SLC24A3: variants seen among roughly 807,000 people sequenced by gnomAD.
The protein encoded by SLC24A3 is solute carrier family 24 member 3.
A neutral mutation model predicts 75.8 loss-of-function variants in SLC24A3; 28 were observed. The observed-to-expected ratio is 0.37, with a 90% CI of 0.27 to 0.51. The LOEUF (loss-of-function observed/expected upper bound fraction) is 0.51, where lower values mean the gene tolerates loss of function less well. SLC24A3 is among the 20% of genes least tolerant of loss of function. SLC24A3 has a pLI of 0.94. For synonymous variants in SLC24A3, 372 were observed against 334.1 expected (o/e 1.11, Z -1.24); for missense variants, 663 against 847.8 (o/e 0.78, Z 2.71).
chr20:19,249,214 C>A (rs1982579933), intron 1 of SLC24A3, among the ~76,000 whole-genome samples: 1 of 152,098 alleles, frequency 6.6e-6, no homozygotes, highest in Non-Finnish European at 1.5e-5. Flanking sequence ...TGTTTTATTT[C>A]TTTGTAAAAC....
At chr20:19,643,294 C>G (rs894475331) in intron 6 of SLC24A3, among the ~76,000 whole-genome samples, 2 of 152,198 alleles carry the variant, frequency 1.3e-5, no homozygotes, top group African/African-American at 4.8e-5. Context: ...AGATTAGCTC[C>G]TGATACTGTG....
intron 2 of SLC24A3, among the ~76,000 whole-genome samples, chr20:19,340,584 C>T (rs1985250324): frequency 6.6e-6 from 1 of 152,162 alleles, no homozygotes; most frequent in Non-Finnish European, 1.5e-5. Flanking sequence ...TTTCCACCAT[C>T]CCCACAGCCT....
chr20:19,311,895 G>A (rs1984466113), intron 2 of SLC24A3, among the ~76,000 whole-genome samples: 1 of 152,118 alleles, frequency 6.6e-6, no homozygotes, highest in Non-Finnish European at 1.5e-5. Context: ...GAGAAACATG[G>A]CTGCCGGTGC....
At chr20:19,701,473 A>G (rs549108568) in intron 15 of SLC24A3, among the ~76,000 whole-genome samples, 2 of 152,370 alleles carry the variant, frequency 1.3e-5, no homozygotes, top group South Asian at 2.1e-4. Context: ...CTTGTTATCA[A>G]GAAGTTCAGC....
intron 6 of SLC24A3, among the ~76,000 whole-genome samples, chr20:19,590,613 G>A (rs771107265): frequency 3.9e-5 from 6 of 152,190 alleles, no homozygotes; most frequent in Admixed American, 6.5e-5. Context: ...AGGAGCCAGC[G>A]TGCTTCCGTA....
chr20:19,490,505 A>G (rs557429155), intron 2 of SLC24A3, among the ~76,000 whole-genome samples: 2 of 152,298 alleles, frequency 1.3e-5, no homozygotes, highest in East Asian at 3.9e-4. Flanking sequence ...CACCTAAAAT[A>G]GCGGCTTTAG....
In SLC24A3 at chr20:19,609,310, AT is replaced by A. The variant is rs950772762; in HGVS notation, c.612+23777del. ...AGGACATGGTTGCTCTTATAACCTG[AT>A]TTTTTTTTTTCAGTTATAAAGACTT... is the stretch of plus-strand genomic sequence containing the variant. On this transcript the variant is annotated intron_variant, in intron 6 of 16. Coordinates refer to ENST00000328041, the MANE Select transcript of SLC24A3 (RefSeq NM_020689.4). Among the ~76,000 whole-genome samples, 593 of 148,024 alleles carry A rather than the reference AT, an allele frequency of 4.0e-3. 3 individuals carry two copies. Among genetic ancestry groups the A allele is most frequent in the Middle Eastern group, 7.1e-3 (2 of 280 alleles).
chr20:19,466,813 C>G (rs568688747), intron 2 of SLC24A3, among the ~76,000 whole-genome samples: 1 of 152,256 alleles, frequency 6.6e-6, no homozygotes, highest in Admixed American at 6.5e-5. Context: ...CAACAAGAAA[C>G]TTTCTTGGGC....
intron 2 of SLC24A3, among the ~76,000 whole-genome samples, chr20:19,304,907 GTC>G (rs576375315): frequency 1.3e-5 from 2 of 152,186 alleles, no homozygotes; most frequent in Non-Finnish European, 2.9e-5. Flanking sequence ...TTTTGGCCCT[GTC>G]TGAACTTTAA....
chr20:19,247,962 T>C (rs1021788823), intron 1 of SLC24A3, among the ~76,000 whole-genome samples: 3 of 152,190 alleles, frequency 2.0e-5, no homozygotes, highest in African/African-American at 7.2e-5. Flanking sequence ...GTGAGATAAG[T>C]GTGTCCTCTA....
At chr20:19,479,454 A>C (rs1988016980) in intron 2 of SLC24A3, among the ~76,000 whole-genome samples, 1 of 152,166 alleles carries the variant, frequency 6.6e-6, no homozygotes, top group Non-Finnish European at 1.5e-5. Flanking sequence ...CAGAATGAAA[A>C]CCATCCTCTT....
At chr20:19,222,783 C>CCCCTCCTTCCTTCCTTCCTTCCTT (rs1981755842) in intron 1 of SLC24A3, among the ~76,000 whole-genome samples, 1 of 75,802 alleles carries the variant, frequency 1.3e-5, no homozygotes, top group Non-Finnish European at 2.5e-5. Context: ...TCCCCTCCCT[C>CCCCTCCTTCCTTCCTTCCTTCCTT]CCTTCCTTCC....
chr20:19,474,692 T>TA (rs1987932457), intron 2 of SLC24A3, among the ~76,000 whole-genome samples: 1 of 152,214 alleles, frequency 6.6e-6, no homozygotes, highest in South Asian at 2.1e-4. Context: ...TCAAGCTAAT[T>TA]AACATATTCA....
At chr20:19,321,517 T>C (rs973198691) in intron 2 of SLC24A3, among the ~76,000 whole-genome samples, 1 of 152,202 alleles carries the variant, frequency 6.6e-6, no homozygotes, top group African/African-American at 2.4e-5. Flanking sequence ...AACTTCAATC[T>C]TGGAAAATCT....
At position 19,649,309 on chromosome 20, in the gene SLC24A3, C is replaced by T. The variant is rs184378577; in HGVS notation, c.613-4753C>T. ...AGGGAACCACATGGAGCCCAGAAGA[C>T]GAGGGTATTCATGTTTGTGAAACAG... On this transcript the variant is annotated intron_variant, in intron 6 of 16. Coordinates refer to ENST00000328041, the MANE Select transcript of SLC24A3 (RefSeq NM_020689.4). Among the ~76,000 whole-genome samples, 1,430 of 152,298 alleles carry T rather than the reference C, an allele frequency of 9.4e-3. 12 individuals are homozygous for T. The highest frequency in any genetic ancestry group is 0.034 in the South Asian group (165 of 4,826).
chr20:19,666,615 T>A lies in SLC24A3; in HGVS notation c.713+726T>A, dbSNP rs921351351. Among the ~76,000 whole-genome samples, 6 of 152,160 alleles carry A rather than the reference T, an allele frequency of 3.9e-5. No homozygotes were observed. In the East Asian group the frequency reaches 7.7e-4, roughly 20 times the overall value. ...TTCTGTGACCATTAATCCATTAAAGTTCCCCCTGACTTTCAAAAGATCTTA... is the reference window on the plus strand; with the variant it reads ...TTCTGTGACCATTAATCCATTAAAGATCCCCCTGACTTTCAAAAGATCTTA... On this transcript the variant is annotated intron_variant, in intron 8 of 16. Transcript: ENST00000328041.
At chr20:19,393,223 C>T (rs776160163) in intron 2 of SLC24A3, among the ~76,000 whole-genome samples, 38 of 152,094 alleles carry the variant, frequency 2.5e-4, no homozygotes, top group Non-Finnish European at 5.0e-4. Flanking sequence ...TGATGAAAGA[C>T]TGAAAGCGTT....
chr20:19,298,037 AG>A (rs1426282100), intron 2 of SLC24A3, among the ~76,000 whole-genome samples: 2 of 152,222 alleles, frequency 1.3e-5, no homozygotes, highest in Non-Finnish European at 2.9e-5. Context: ...GAAGCTAAGA[AG>A]GTGGGGGAAT....
intron 6 of SLC24A3, among the ~76,000 whole-genome samples, chr20:19,616,101 C>G (rs145542627): frequency 6.6e-6 from 1 of 152,328 alleles, no homozygotes; most frequent in African/African-American, 2.4e-5. Flanking sequence ...TGAAGTCAAG[C>G]CATGATGCAG....
Sources: gnomAD v4.1 joint callset for allele counts (sites outside exome capture counted in the v4.1 genomes callset) on GRCh38, gnomAD v4.1.1 for gene constraint, MANE v1.5 for transcripts, NCBI Gene and HGNC (gene_info 2026-07-23, HGNC 2026-07-21) for gene names.